Variants in HLCS observed in about 807,000 individuals in gnomAD.
The protein encoded by HLCS is holocarboxylase synthetase.
A neutral mutation model predicts 75.0 loss-of-function variants in HLCS; 53 were observed. The observed-to-expected ratio is 0.71, with a 90% confidence interval of 0.57 to 0.89. HLCS has a LOEUF of 0.89. Ranked by LOEUF, HLCS falls within the 40% of genes least tolerant of loss-of-function variation. HLCS has a pLI of 0.00. For synonymous variants in HLCS, 431 were observed against 428.6 expected (o/e 1.01, Z -0.07); for missense variants, 966 against 1,074.0 (o/e 0.90, Z 1.41).
chr21:36,947,795 G>T (rs1380815650), intron 2 of HLCS: 6 of 985,358 alleles, frequency 6.1e-6, no homozygotes, highest in Non-Finnish European at 7.2e-6. Flanking sequence ...CCAACAGGGG[G>T]CATTGGCAGG....
chr21:36,752,178 G>A lies in HLCS; in HGVS notation c.*2068C>T, dbSNP rs934176953. The A allele has an allele frequency of 6.6e-6, 1 of 152,642 alleles. No individual in the cohort carries two copies. The highest frequency in any genetic ancestry group is 2.4e-5 in the African/African-American group (1 of 41,434). 9.5% of individuals were successfully genotyped at this position (152,642 alleles called of 1,614,324 possible). A position where few individuals can be genotyped will look rare whatever the true frequency, so the allele number is the denominator to read the frequency against. On this transcript the variant is annotated 3_prime_UTR_variant, in exon 11 of 11. Transcript: ENST00000674895. ...CTTCAAGGCTGCTTCATCTCTCTCA[G>A]GACAACTGAGTCTCCTGCGTGAGGG...
intron 5 of HLCS, among the ~76,000 whole-genome samples, chr21:36,918,523 G>A (rs1410742086): frequency 6.6e-6 from 1 of 152,210 alleles, no homozygotes; most frequent in African/African-American, 2.4e-5. Context: ...ACTGTTTATT[G>A]TAAGAAAGTG....
intron 5 of HLCS, among the ~76,000 whole-genome samples, chr21:36,915,894 TG>T (rs1266705501): frequency 8.6e-5 from 13 of 151,854 alleles, no homozygotes; most frequent in Admixed American, 5.3e-4. Context: ...CTGGGGTCTC[TG>T]GGGGCTCTCG....
In HLCS at chr21:36,750,792, A is replaced by C. The variant is rs1006278128; in HGVS notation, c.*3454T>G. ...CTGTTCCTAAACTTAAGTATGACAT[A>C]TAAGATTAAAATCTTGGGGGGAAAA... is the stretch of plus-strand genomic sequence containing the variant. On this transcript the variant is annotated 3_prime_UTR_variant, in exon 11 of 11. Transcript: ENST00000674895. 1 of 151,468 alleles carries C rather than the reference A, an allele frequency of 6.6e-6. No individual in the cohort carries two copies. The highest frequency in any genetic ancestry group is 2.1e-4 in the South Asian group (1 of 4,772). The allele number at this position is 151,468 out of a possible 1,614,324, so 9.4% of individuals were successfully genotyped here. A position where few individuals can be genotyped will look rare whatever the true frequency, so the allele number is the denominator to read the frequency against.
chr21:36,754,439 C>A (rs761980697), intron 10 of HLCS, 22 bp from the exon 11 acceptor site: 2 of 1,606,074 alleles, frequency 1.2e-6, no homozygotes, highest in Non-Finnish European at 1.7e-6. Flanking sequence ...GAACAGCGTG[C>A]GGTCACTGGG....
intron 2 of HLCS, among the ~76,000 whole-genome samples, chr21:36,955,509 A>G (rs993686284): frequency 2.7e-4 from 40 of 146,908 alleles, no homozygotes; most frequent in Non-Finnish European, 5.5e-4. Context: ...AAATCTTAGA[A>G]AAAAGCTTTT....
At chr21:36,792,355 T>C (rs1350204157) in intron 6 of HLCS, among the ~76,000 whole-genome samples, 2 of 151,284 alleles carry the variant, frequency 1.3e-5, no homozygotes, top group East Asian at 3.9e-4. Context: ...AGAGCAGAAG[T>C]AGCAGGTGGA....
intron 6 of HLCS, among the ~76,000 whole-genome samples, chr21:36,882,597 C>A (rs1276271446): frequency 6.7e-6 from 1 of 150,172 alleles, no homozygotes. Flanking sequence ...CGTGTCACCA[C>A]GCCTGGCTAA....
chr21:36,867,971 G>T (rs2146214574), intron 6 of HLCS, among the ~76,000 whole-genome samples: 1 of 152,126 alleles, frequency 6.6e-6, no homozygotes, highest in East Asian at 1.9e-4. Flanking sequence ...GGCCAACATG[G>T]TGAAACCCCA....
chr21:36,821,934 G>A (rs1601398443), intron 6 of HLCS, among the ~76,000 whole-genome samples: 1 of 152,152 alleles, frequency 6.6e-6, no homozygotes, highest in South Asian at 2.1e-4. Context: ...GGGAAGAAGA[G>A]GAGAAACTGA....
intron 6 of HLCS, among the ~76,000 whole-genome samples, chr21:36,790,438 G>T (rs1035500319): frequency 2.0e-5 from 3 of 152,148 alleles, no homozygotes; most frequent in Non-Finnish European, 4.4e-5. Flanking sequence ...AAACATTTTG[G>T]TGTGTGTGTT....
At chr21:36,866,737 T>C (rs892958103) in intron 6 of HLCS, among the ~76,000 whole-genome samples, 1 of 152,184 alleles carries the variant, frequency 6.6e-6, no homozygotes, top group Non-Finnish European at 1.5e-5. Context: ...CTAACTATCA[T>C]CTTCAACCAC....
At chr21:36,915,594 G>A (rs2065897136) in intron 5 of HLCS, among the ~76,000 whole-genome samples, 1 of 152,188 alleles carries the variant, frequency 6.6e-6, no homozygotes, top group South Asian at 2.1e-4. Context: ...CAAGGCCACG[G>A]TCTAAGAAGC....
At chr21:36,834,682 T>C (rs1463430559) in intron 6 of HLCS, among the ~76,000 whole-genome samples, 2 of 152,182 alleles carry the variant, frequency 1.3e-5, no homozygotes, top group African/African-American at 4.8e-5. Flanking sequence ...CAGCCTCCTG[T>C]GTAGCTGGGA....
chr21:36,856,828 A>G (rs2063211697), intron 6 of HLCS, among the ~76,000 whole-genome samples: 1 of 152,240 alleles, frequency 6.6e-6, no homozygotes, highest in Admixed American at 6.5e-5. Flanking sequence ...TGTATTCTGA[A>G]ATCAGAAAAC....
chr21:36,925,554 G>A (rs2066365749), intron 5 of HLCS, among the ~76,000 whole-genome samples: 1 of 152,206 alleles, frequency 6.6e-6, no homozygotes, highest in African/African-American at 2.4e-5. Context: ...GACCTTCCTA[G>A]GGGTGGCACA....
At chr21:36,967,136 A>G (rs939565660), upstream of HLCS, among the ~76,000 whole-genome samples, 2 of 152,038 alleles carry the variant, frequency 1.3e-5, no homozygotes, top group African/African-American at 4.8e-5. Flanking sequence ...GGCTCTGCCT[A>G]TGTTCATAGC....
chr21:36,856,203 T>C (rs1052287654), intron 6 of HLCS, among the ~76,000 whole-genome samples: 2 of 152,362 alleles, frequency 1.3e-5, no homozygotes, highest in African/African-American at 2.4e-5. Flanking sequence ...ATTAATTGTA[T>C]GCTTTAAGTG....
At chr21:36,951,804 T>C (rs1230169394) in intron 2 of HLCS, among the ~76,000 whole-genome samples, 1 of 152,230 alleles carries the variant, frequency 6.6e-6, no homozygotes, top group East Asian at 1.9e-4. Flanking sequence ...CTAATATAAG[T>C]ATAGAAAATA....
Sources: allele counts gnomAD v4.1 joint callset (sites outside exome capture counted in the v4.1 genomes callset), GRCh38; gene constraint gnomAD v4.1.1; transcripts MANE v1.5; gene names NCBI Gene and HGNC (gene_info 2026-07-23, HGNC 2026-07-21).